PACRGL: variants seen among roughly 807,000 people sequenced by gnomAD.
The protein encoded by PACRGL is PACRG-like protein.
Under a neutral mutation model 34.5 loss-of-function variants are expected in PACRGL, and 38 were observed. That is an observed-to-expected ratio of 1.10 (90% CI 0.85 to 1.44). PACRGL has a LOEUF of 1.44. PACRGL is among the 40% of genes most tolerant of loss of function. The pLI, the probability that PACRGL is intolerant of heterozygous loss-of-function variation, is 0.00. For synonymous variants in PACRGL, 128 were observed against 100.1 expected (o/e 1.28, Z -1.66); for missense variants, 305 against 281.4 (o/e 1.08, Z -0.60).
rs565211834 is a variant in PACRGL at position 20,700,740 on chromosome 4, G to A, written c.-64G>A. On this transcript the variant is annotated 5_prime_UTR_variant, in exon 1 of 9. Transcript: ENST00000503585. ...TTGGAGTGTACCCCTCCTTTCCTGG[G>A]GTAGAGGGTCAGTCGAGAGTAGCCT... 1 of 152,254 alleles carries A rather than the reference G, an allele frequency of 6.6e-6. No individual in the cohort carries two copies. Among genetic ancestry groups the A allele is most frequent in the East Asian group, 1.9e-4 (1 of 5,146 alleles). The allele number at this position is 152,254 out of a possible 1,614,324, so 9.4% of individuals were successfully genotyped here.
upstream of PACRGL, among the ~76,000 whole-genome samples, chr4:20,698,108 G>A (rs1731315476): frequency 1.3e-5 from 2 of 152,092 alleles, no homozygotes; most frequent in Admixed American, 1.3e-4. Flanking sequence ...TCCTATTAGT[G>A]TTCTTCAGTA....
At position 20,731,625 on chromosome 4, in the gene PACRGL, G is replaced by T; in HGVS notation, c.*4284G>T. On this transcript the variant is annotated 3_prime_UTR_variant, in exon 9 of 9. Transcript: ENST00000503585. ...TTGGCCTGTTGTGATGCCATACTTG[G>T]CTATCTAGGAATTCTAATGCTGTGG... 1 of 985,188 alleles carries T rather than the reference G, an allele frequency of 1.0e-6. No individual in the cohort carries two copies. Among genetic ancestry groups the T allele is most frequent in the Non-Finnish European group, 1.2e-6 (1 of 829,776 alleles). 61.0% of individuals were successfully genotyped at this position (985,188 alleles called of 1,614,324 possible).
intron 6 of PACRGL, chr4:20,713,192 G>A (rs1738129555): frequency 1.8e-6 from 1 of 553,500 alleles, no homozygotes; most frequent in South Asian, 2.8e-5. Context: ...CAGCCTTTCT[G>A]TATGCTACAT....
chr4:20,716,333 GTT>G, intron 7 of PACRGL: 1 of 510,730 alleles, frequency 2.0e-6, no homozygotes, highest in Non-Finnish European at 3.5e-6. Flanking sequence ...TTCATGCAGT[GTT>G]TTTTTTTTGT....
intron 7 of PACRGL, among the ~76,000 whole-genome samples, chr4:20,722,139 A>C (rs1743598381): frequency 6.6e-6 from 1 of 152,204 alleles, no homozygotes; most frequent in Admixed American, 6.5e-5. Flanking sequence ...ACAGGATATA[A>C]TCTCCTGGTG....
At chr4:20,716,152 A>G in intron 7 of PACRGL, 1 of 1,417,794 alleles carries the variant, frequency 7.1e-7, no homozygotes, top group Non-Finnish European at 9.6e-7. Context: ...CTTAGGTTTG[A>G]TGATTTGCCA....
intron 8 of PACRGL, among the ~76,000 whole-genome samples, chr4:20,725,770 T>A (rs1054680172): frequency 3.3e-5 from 5 of 151,948 alleles, no homozygotes; most frequent in African/African-American, 1.2e-4. Flanking sequence ...ATTGATTATA[T>A]TCTTTCCATG....
chr4:20,697,662 G>A (rs756845848), upstream of PACRGL, among the ~76,000 whole-genome samples: 53 of 152,126 alleles, frequency 3.5e-4, no homozygotes, highest in Admixed American at 1.0e-3. Flanking sequence ...GTGAAATACC[G>A]TACATTGAGT....
Position 20,731,984 on chromosome 4 carries a change from T to C in PACRGL, c.*4643T>C, listed in dbSNP as rs1033305942. 1.9e-6 allele frequency: 3 copies of C among 1,612,634 alleles called. No individual in the cohort carries two copies. Among genetic ancestry groups the C allele is most frequent in the Admixed American group, 1.7e-5 (1 of 59,856 alleles). On this transcript the variant is annotated 3_prime_UTR_variant, in exon 9 of 9. Coordinates refer to ENST00000503585, the MANE Select transcript of PACRGL (RefSeq NM_001258345.3). ...GCTGTTATGATAGCTGAATTGATAG[T>C]TATTACACTTTCATTACTTACTTTT...
downstream of PACRGL, among the ~76,000 whole-genome samples, chr4:20,735,530 G>GTTTTTTTTT (rs10542507): frequency 9.1e-6 from 1 of 109,718 alleles, no homozygotes; most frequent in African/African-American, 3.6e-5. Flanking sequence ...TTTTTTTTTT[G>GTTTTTTTTT]TTTTTTTTTT....
downstream of PACRGL, among the ~76,000 whole-genome samples, chr4:20,734,907 C>T (rs1037174145): frequency 6.6e-6 from 1 of 152,044 alleles, no homozygotes; most frequent in Non-Finnish European, 1.5e-5. Context: ...ATAAATCACT[C>T]CTTAGTCTTA....
In PACRGL at chr4:20,702,440, TTAGTAA is replaced by T. The variant is rs541742999; in HGVS notation, c.-17+1662_-17+1667del. Among the ~76,000 whole-genome samples, 690 of 152,320 alleles carry T rather than the reference TTAGTAA, an allele frequency of 4.5e-3. 8 individuals are homozygous for T. The highest frequency in any genetic ancestry group is 7.3e-3 in the Non-Finnish European group (496 of 68,030). ...AATGACAAAACATGTGGTTTCACTATTAGTAATAGTAATACTGAAGAACACTTTGTA... is the reference window on the plus strand; with the variant it reads ...AATGACAAAACATGTGGTTTCACTATTAGTAATACTGAAGAACACTTTGTA... On this transcript the variant is annotated intron_variant, in intron 1 of 8. Coordinates refer to ENST00000503585, the MANE Select transcript of PACRGL (RefSeq NM_001258345.3).
In PACRGL at chr4:20,729,373, C is replaced by CAAAATTATTATATAGGCCTT. The variant is rs1553881405; in HGVS notation, c.*2033_*2052dup. On this transcript the variant is annotated 3_prime_UTR_variant, in exon 9 of 9. Transcript: ENST00000503585. ...GCCTGTAAGAAAGATTGAACAAATC[C>CAAAATTATTATATAGGCCTT]AAAATTATTATATAGGCCTTGGCTG... The CAAAATTATTATATAGGCCTT allele has an allele frequency of 6.7e-6, 1 of 150,040 alleles. No homozygotes were observed. Among genetic ancestry groups the CAAAATTATTATATAGGCCTT allele is most frequent in the Non-Finnish European group, 1.5e-5 (1 of 67,212 alleles). The allele number at this position is 150,040 out of a possible 1,614,324, so 9.3% of individuals were successfully genotyped here. A position where few individuals can be genotyped will look rare whatever the true frequency, so the allele number is the denominator to read the frequency against.
downstream of PACRGL, among the ~76,000 whole-genome samples, chr4:20,734,116 G>A (rs988826768): frequency 1.3e-5 from 2 of 152,058 alleles, no homozygotes; most frequent in African/African-American, 2.4e-5. Flanking sequence ...TTTACTTCTC[G>A]CTGTGTTTTA....
At chr4:20,732,910 TAGACG>T (rs1006674813), downstream of PACRGL, 89 of 609,256 alleles carry the variant, frequency 1.5e-4, no homozygotes, top group African/African-American at 1.5e-3. Context: ...GATTCTTTGT[TAGACG>T]ACTGTTGGTT....
chr4:20,744,690 C>T (rs1396293343), intron 8 of PACRGL, among the ~76,000 whole-genome samples: 1 of 152,122 alleles, frequency 6.6e-6, no homozygotes, highest in Non-Finnish European at 1.5e-5. Flanking sequence ...ATGGGTGCAG[C>T]ACACCAACAT....
At chr4:20,757,310 A>T (rs1359928898), downstream of PACRGL, among the ~76,000 whole-genome samples, 1 of 152,166 alleles carries the variant, frequency 6.6e-6, no homozygotes, top group East Asian at 1.9e-4. Flanking sequence ...CTCCTACAGC[A>T]GTAATCTTCT....
At chr4:20,704,585 T>G (rs780826818) in intron 2 of PACRGL, 52 bp downstream of exon 2, 1 of 1,613,164 alleles carries the variant, frequency 6.2e-7, no homozygotes, top group South Asian at 1.1e-5. Context: ...CATGGCACTT[T>G]CTGTGCTACA....
At chr4:20,766,384 G>A in the PACRGL span, among the ~76,000 whole-genome samples, 2 of 152,076 alleles carry the variant, frequency 1.3e-5, no homozygotes, top group African/African-American at 4.8e-5. Flanking sequence ...TGGACAACAT[G>A]GTGAAACCCT....
Sources: gnomAD v4.1 joint callset for allele counts (sites outside exome capture counted in the v4.1 genomes callset) on GRCh38, gnomAD v4.1.1 for gene constraint, MANE v1.5 for transcripts, NCBI Gene and HGNC (gene_info 2026-07-23, HGNC 2026-07-21) for gene names.